Variants in PLSCR2 observed in about 807,000 individuals in gnomAD.
PLSCR2 encodes phospholipid scramblase 2.
In PLSCR2, 18 loss-of-function variants were observed where a neutral mutation model predicts 25.3. The observed-to-expected ratio is 0.71, with a 90% confidence interval of 0.49 to 1.06. The LOEUF is 1.06. Among genes scored for constraint, PLSCR2 ranks in the 50% least tolerant of loss-of-function variants. The probability of loss-of-function intolerance (pLI) is 0.00; values close to 1 mark genes in which losing one functional copy is unlikely to be tolerated. For missense variants in PLSCR2, 243 were observed against 269.5 expected, an observed-to-expected ratio of 0.90 and a Z score of 0.69; for synonymous variants, 88 against 87.3, an observed-to-expected ratio of 1.01 and a Z score of -0.04.
rs757145587 is a variant in PLSCR2 at position 146,455,491 on chromosome 3, C to T, written c.101-32G>A. The stretch of plus-strand genomic sequence containing the variant: ...ATGAAAATAAAATCAGTTGCCTTTA[C>T]GTTAAAATGATTGAACCTATCTTAA... On this transcript the variant is annotated intron_variant, in intron 3 of 6. Coordinates refer to ENST00000610787, the Ensembl canonical transcript of PLSCR2. 132 of 1,302,562 alleles carry T rather than the reference C, an allele frequency of 1.0e-4. 1 individual carries two copies. In the Admixed American group the frequency reaches 1.8e-3, roughly 18 times the overall value. The allele number at this position is 1,302,562 out of a possible 1,614,324, so 80.7% of individuals were successfully genotyped here.
At chr3:146,469,320 G>A in intron 1 of PLSCR2, 175 bp downstream of exon 1, 1 of 985,400 alleles carries the variant, frequency 1.0e-6, no homozygotes, top group Non-Finnish European at 1.2e-6. Flanking sequence ...GTACAGCTGG[G>A]CCGCCTGGGG....
intron 2 of PLSCR2, among the ~76,000 whole-genome samples, chr3:146,413,860 A>G (rs1487293828): frequency 2.0e-5 from 3 of 152,188 alleles, no homozygotes; most frequent in African/African-American, 7.2e-5. Context: ...CCCATGACCC[A>G]GTTCCAAAGC....
chr3:146,432,415 G>T (rs1314406146), downstream of PLSCR2, among the ~76,000 whole-genome samples: 1 of 152,094 alleles, frequency 6.6e-6, no homozygotes, highest in Admixed American at 6.6e-5. Flanking sequence ...CAAGATTTAG[G>T]ACTTGGTGGG....
At chr3:146,454,448 A>G (rs186239010) in intron 4 of PLSCR2, among the ~76,000 whole-genome samples, 5 of 152,300 alleles carry the variant, frequency 3.3e-5, no homozygotes, top group Admixed American at 6.5e-5. Flanking sequence ...AAATAACTTC[A>G]GTTATCCTCT....
chr3:146,439,757 A>T (rs1467824393), downstream of PLSCR2, among the ~76,000 whole-genome samples: 1 of 152,122 alleles, frequency 6.6e-6, no homozygotes, highest in Non-Finnish European at 1.5e-5. Flanking sequence ...GATTATCTGA[A>T]GCCTTCTTCT....
At chr3:146,453,521 A>C (rs1427266410) in intron 5 of PLSCR2, among the ~76,000 whole-genome samples, 1 of 152,136 alleles carries the variant, frequency 6.6e-6, no homozygotes, top group Non-Finnish European at 1.5e-5. Flanking sequence ...AGAGAAGTAT[A>C]ATTGGGTAAT....
At chr3:146,433,212 G>A (rs1240542207), downstream of PLSCR2, 1 of 152,070 alleles carries the variant, frequency 6.6e-6, no homozygotes, top group African/African-American at 2.4e-5. Context: ...ACATCAGAAT[G>A]TTCTTTTTTC....
intron 2 of PLSCR2, among the ~76,000 whole-genome samples, chr3:146,412,894 T>A (rs1023487064): frequency 5.3e-5 from 8 of 152,092 alleles, no homozygotes; most frequent in Non-Finnish European, 1.2e-4. Context: ...TGACTCAGGA[T>A]GATTCAGGTC....
chr3:146,438,560 G>C (rs2040031691), downstream of PLSCR2, among the ~76,000 whole-genome samples: 1 of 152,032 alleles, frequency 6.6e-6, no homozygotes, highest in Non-Finnish European at 1.5e-5. Flanking sequence ...ATCTTTGTTG[G>C]TTTAAAGTCT....
In PLSCR2 at chr3:146,481,040, T is replaced by A. The variant is rs2043111956; in HGVS notation, c.-293+14855A>T. ...CTTCAAAAAATTCAACAGCTCCTCA[T>A]ATTAAAAACTCTCAATAAACTAGGT... On this transcript the variant is annotated intron_variant, in intron 1 of 8. Transcript: ENST00000336685. Among the ~76,000 whole-genome samples, 6 of 152,120 alleles carry A rather than the reference T, an allele frequency of 3.9e-5. No homozygotes were observed. In the South Asian group the frequency reaches 1.2e-3, roughly 32 times the overall value.
At chr3:146,434,962 C>T (rs557425762) in intron 8 of PLSCR2, among the ~76,000 whole-genome samples, 3 of 141,968 alleles carry the variant, frequency 2.1e-5, no homozygotes, top group South Asian at 2.5e-4. Context: ...TGATGTTCCC[C>T]ATCCTGTGTC....
chr3:146,492,236 G>A (rs1329875416), intron 1 of PLSCR2, among the ~76,000 whole-genome samples: 1 of 151,972 alleles, frequency 6.6e-6, no homozygotes, highest in Non-Finnish European at 1.5e-5. Flanking sequence ...CAGTCCACTG[G>A]CAACAATACT....
chr3:146,485,531 A>G (rs1354745893), intron 1 of PLSCR2, among the ~76,000 whole-genome samples: 1 of 152,162 alleles, frequency 6.6e-6, no homozygotes, highest in Admixed American at 6.6e-5. Flanking sequence ...CTTACTCTAA[A>G]ATTAATCACA....
At chr3:146,466,275 A>G (rs1345431672) in intron 1 of PLSCR2, among the ~76,000 whole-genome samples, 1 of 152,166 alleles carries the variant, frequency 6.6e-6, no homozygotes, top group African/African-American at 2.4e-5. Context: ...GGTTCAAGCA[A>G]TTCTCGTGCC....
chr3:146,419,151 C>T (rs1251079192), intron 2 of PLSCR2, among the ~76,000 whole-genome samples: 1 of 151,898 alleles, frequency 6.6e-6, no homozygotes, highest in Non-Finnish European at 1.5e-5. Context: ...GTGCTATAAG[C>T]AAAAGGAAGA....
intron 1 of PLSCR2, 55 bp downstream of exon 1, chr3:146,469,440 T>C: frequency 1.1e-6 from 1 of 926,024 alleles, no homozygotes; most frequent in Non-Finnish European, 1.3e-6. Context: ...TCGTCCCCAC[T>C]AGCCAGGCAC....
intron 1 of PLSCR2, among the ~76,000 whole-genome samples, chr3:146,491,445 A>G (rs1033911880): frequency 6.6e-6 from 1 of 152,126 alleles, no homozygotes; most frequent in Admixed American, 6.5e-5. Flanking sequence ...ATCTTCAACA[A>G]TGTTTTCCAA....
chr3:146,476,481 G>A (rs919989586), intron 1 of PLSCR2, among the ~76,000 whole-genome samples: 11 of 152,320 alleles, frequency 7.2e-5, no homozygotes, highest in African/African-American at 2.6e-4. Context: ...CTACTCAGTT[G>A]GCATCTGCCT....
Position 146,459,776 on chromosome 3 carries a change from T to A in PLSCR2, c.57+72A>T, listed in dbSNP as rs2041450353. On this transcript the variant is annotated intron_variant, in intron 2 of 6. Transcript: ENST00000610787. ...TAAATAAATAAGTATCACTTAACCA[T>A]AATTACTATGGTTCATAAACCAGAA... The A allele has an allele frequency of 5.5e-6, 6 of 1,095,238 alleles. No individual in the cohort carries two copies. In the Admixed American group the frequency reaches 1.3e-4, roughly 25 times the overall value. The allele number at this position is 1,095,238 out of a possible 1,614,324, so 67.8% of individuals were successfully genotyped here.
Sources: allele counts gnomAD v4.1 joint callset (sites outside exome capture counted in the v4.1 genomes callset), GRCh38; gene constraint gnomAD v4.1.1; transcripts MANE v1.5; gene names NCBI Gene and HGNC (gene_info 2026-07-23, HGNC 2026-07-21).